The following DMXL1 variants were observed in gnomAD, a reference collection of about 807,000 sequenced individuals.
DMXL1 encodes dmX-like protein 1.
A neutral mutation model predicts 319.2 loss-of-function variants in DMXL1; 99 were observed. The ratio of observed to expected loss-of-function variants is 0.31; its 90% CI spans 0.26 to 0.37. DMXL1 has a LOEUF of 0.37. DMXL1 is among the 10% of genes least tolerant of loss of function. The probability of loss-of-function intolerance (pLI) is 1.00; values close to 1 mark genes in which losing one functional copy is unlikely to be tolerated. For synonymous variants in DMXL1, 1,385 were observed against 1,235.2 expected (o/e 1.12, Z -2.54); for missense variants, 3,745 against 3,595.6 (o/e 1.04, Z -1.06).
intron 34 of DMXL1, among the ~76,000 whole-genome samples, chr5:119,215,732 A>T (rs1468570683): frequency 6.6e-6 from 1 of 152,136 alleles, no homozygotes; most frequent in Admixed American, 6.6e-5. Context: ...AAGTAAATTT[A>T]TTGTATGCTG....
intron 9 of DMXL1, 96 bp downstream of exon 9, chr5:119,121,235 T>A: frequency 1.0e-6 from 1 of 1,001,678 alleles, no homozygotes; most frequent in Non-Finnish European, 1.4e-6. Flanking sequence ...AGTAAAATAT[T>A]GGAGGTGACT....
Position 119,149,439 on chromosome 5 carries a change from C to A in DMXL1, c.3612C>A (p.Asp1204Glu). The change falls in exon 18 of 44, where the codon GAC becomes GAA. Residue 1204 changes from aspartate to glutamate, a missense_variant. Asp to Glu is a conservative substitution (Grantham distance 45, BLOSUM62 2). This residue lies in a region of DMXL1 where 2,096 missense variants were observed against 1,985.4 expected (regional missense o/e 1.06). Coordinates refer to ENST00000539542, the MANE Select transcript of DMXL1 (RefSeq NM_001290321.3). The part of the protein sequence containing the change: ...LSKFVLLRSV[D>E]LVSSVDGSPP... Reference sequence around the variant, plus strand: ...AATTTGTACTATTACGAAGTGTGGACCTAGTTTCTTCTGTAGATGGCTCCC... The same window carrying A: ...AATTTGTACTATTACGAAGTGTGGAACTAGTTTCTTCTGTAGATGGCTCCC... 2 of 1,613,904 alleles carry A rather than the reference C, an allele frequency of 1.2e-6. No homozygotes were observed. Among genetic ancestry groups the A allele is most frequent in the Admixed American group, 3.3e-5 (2 of 59,998 alleles).
chr5:119,145,641 A>G (rs191506306), intron 15 of DMXL1, among the ~76,000 whole-genome samples: 1 of 151,858 alleles, frequency 6.6e-6, no homozygotes, highest in East Asian at 1.9e-4. Flanking sequence ...CCTTTGCATA[A>G]TAAGGTTGAG....
chr5:119,226,290 G>A (rs1260110448), intron 38 of DMXL1, among the ~76,000 whole-genome samples: 1 of 151,918 alleles, frequency 6.6e-6, no homozygotes, highest in Admixed American at 6.6e-5. Context: ...TCACAAACAA[G>A]TCCCACAGGT....
Position 119,171,859 on chromosome 5 carries a change from A to G in DMXL1, c.6571A>G (p.Lys2191Glu). 1 of 1,613,956 alleles carries G rather than the reference A, an allele frequency of 6.2e-7. No homozygotes were observed. Among genetic ancestry groups the G allele is most frequent in the Non-Finnish European group, 8.5e-7 (1 of 1,179,880 alleles). Residue 2191 changes from lysine to glutamate, a missense_variant, in exon 25 of 44, where the codon AAA (lysine) becomes GAA (glutamate). Lys to Glu is a moderately conservative substitution (Grantham distance 56). This residue lies in a region of DMXL1 where 1,382 missense variants were observed against 1,269.5 expected (regional missense o/e 1.09). Transcript: ENST00000539542. The part of the protein sequence containing the change: ...PLLFACTANA[K>E]TVVANPLLHL... ...CCTCTTTGCTTGTACAGCCAATGCC[A>G]AAACAGTAGTTGCCAATCCATTATT...
chr5:119,121,922 C>T (rs1210060156), intron 9 of DMXL1, among the ~76,000 whole-genome samples: 2 of 137,002 alleles, frequency 1.5e-5, no homozygotes, highest in African/African-American at 2.8e-5. Context: ...TGACCCCCCC[C>T]ACCTCCCTCC....
Position 119,150,131 on chromosome 5 carries a change from C to A in DMXL1, c.4304C>A (p.Ser1435Ter), listed in dbSNP as rs777490958. The change falls in exon 18 of 44, where the codon TCA becomes TAA. Residue 1435 changes from serine to a stop codon, truncating the protein, a stop_gained. Transcript: ENST00000539542. LOFTEE classifies it high-confidence loss of function. ...AGTAATGAGAGTACGTTAAGTAAAT[C>A]AAACCAATTATCTAAAGAAAGTTAT... ...KSSNESTLSK[S>*]NQLSKESYDE... is the part of the protein sequence containing the mutation. The A allele has an allele frequency of 3.7e-6, 6 of 1,613,654 alleles. No individual in the cohort carries two copies. Among genetic ancestry groups the A allele is most frequent in the Non-Finnish European group, 5.1e-6 (6 of 1,179,832 alleles).
intron 29 of DMXL1, among the ~76,000 whole-genome samples, chr5:119,193,407 A>G (rs532888357): frequency 6.6e-6 from 1 of 152,190 alleles, no homozygotes; most frequent in South Asian, 2.1e-4. Context: ...CTTGTCATTT[A>G]GTTCTCGTAC....
intron 11 of DMXL1, 21 bp from the exon 12 acceptor site, chr5:119,133,473 C>A: frequency 6.3e-7 from 1 of 1,590,580 alleles, no homozygotes; most frequent in Non-Finnish European, 8.5e-7. Context: ...TATGTTCTAA[C>A]ACTTGCTTTC....
intron 32 of DMXL1, 45 bp from the exon 33 acceptor site, chr5:119,203,274 G>T: frequency 1.6e-6 from 2 of 1,287,236 alleles, no homozygotes; most frequent in South Asian, 1.5e-5. Context: ...AAGTTAGTCA[G>T]AAATTTCTGA....
chr5:119,173,776 G>GTGTGTATATATATATATA lies in DMXL1; in HGVS notation c.6682-1484_6682-1483insGTGTATATATATATATAT. ...TGTGTATATATATATATGTGTGTGT[G>GTGTGTATATATATATATA]TATATATATATATATATATATAATG... is the stretch of plus-strand genomic sequence containing the variant. On this transcript the variant is annotated intron_variant, in intron 25 of 43. Transcript: ENST00000539542. Among the ~76,000 whole-genome samples, 19 of 67,170 alleles carry GTGTGTATATATATATATA rather than the reference G, an allele frequency of 2.8e-4. 1 individual carries two copies. The highest frequency in any genetic ancestry group is 1.0e-3 in the African/African-American group (18 of 18,014). The allele number at this position is 67,170 out of a possible 152,430, so 44.1% of individuals were successfully genotyped here.
chr5:119,146,990 A>C, intron 16 of DMXL1, 34 bp downstream of exon 16: 1 of 1,606,586 alleles, frequency 6.2e-7, no homozygotes, highest in South Asian at 1.1e-5. Flanking sequence ...GTGCAACTTT[A>C]ATAGGTGTAA....
intron 28 of DMXL1, among the ~76,000 whole-genome samples, chr5:119,179,886 G>T (rs1291541143): frequency 6.6e-6 from 1 of 152,154 alleles, no homozygotes; most frequent in East Asian, 1.9e-4. Context: ...GGCAAATTCA[G>T]TTTATAACTT....
chr5:119,122,750 G>T (rs1422928084), intron 9 of DMXL1, among the ~76,000 whole-genome samples: 2 of 151,814 alleles, frequency 1.3e-5, no homozygotes, highest in African/African-American at 4.8e-5. Context: ...TGTGATGGTG[G>T]CCGGGAAGAG....
intron 1 of DMXL1, among the ~76,000 whole-genome samples, chr5:119,078,063 A>C (rs142844271): frequency 1.9e-3 from 292 of 152,026 alleles, no homozygotes; most frequent in Non-Finnish European, 3.3e-3. Context: ...AAAATCAGGT[A>C]GACGGATTAT....
chr5:119,079,604 C>T (rs193200850), intron 1 of DMXL1, among the ~76,000 whole-genome samples: 178 of 152,300 alleles, frequency 1.2e-3, no homozygotes, highest in Admixed American at 2.1e-3. Context: ...CTTTTTTCTC[C>T]TTAGTCACTG....
chr5:119,098,215 A>T, intron 2 of DMXL1, 111 bp downstream of exon 2: 1 of 1,297,396 alleles, frequency 7.7e-7, no homozygotes, highest in East Asian at 2.5e-5. Flanking sequence ...TGTTTCAAAG[A>T]TAGTGTAGCT....
chr5:119,216,425 C>T (rs1294884480), intron 34 of DMXL1, among the ~76,000 whole-genome samples: 1 of 152,162 alleles, frequency 6.6e-6, no homozygotes, highest in Non-Finnish European at 1.5e-5. Flanking sequence ...CCAAATCTCA[C>T]CTGCTTCTAT....
chr5:119,241,624 A>G (rs1788831359), intron 42 of DMXL1, among the ~76,000 whole-genome samples: 1 of 152,052 alleles, frequency 6.6e-6, no homozygotes, highest in South Asian at 2.1e-4. Flanking sequence ...ATATCAAGCA[A>G]TTCAACTTTT....
Sources: allele counts gnomAD v4.1 joint callset (sites outside exome capture counted in the v4.1 genomes callset), GRCh38; gene constraint gnomAD v4.1.1; regional missense constraint gnomAD v4.1.1; transcripts MANE v1.5; gene names NCBI Gene and HGNC (gene_info 2026-07-23, HGNC 2026-07-21).